The following SAMD3 variants were observed in gnomAD, a reference collection of about 807,000 sequenced individuals.
SAMD3 encodes sterile alpha motif domain-containing protein 3.
SAMD3 carries 63 observed loss-of-function variants against 58.5 expected under a neutral mutation model. The observed-to-expected ratio is 1.08, with a 90% CI of 0.88 to 1.33. SAMD3 has a LOEUF of 1.33. Among genes scored for constraint, SAMD3 ranks in the 40% most tolerant of loss-of-function variants. The probability of loss-of-function intolerance (pLI) is 0.00; values close to 1 mark genes in which losing one functional copy is unlikely to be tolerated. For missense variants in SAMD3, 604 were observed against 608.4 expected, an observed-to-expected ratio of 0.99 and a Z score of 0.08; for synonymous variants, 220 against 210.3, an observed-to-expected ratio of 1.05 and a Z score of -0.40.
At chr6:130,313,666 A>G (rs2037021) in intron 1 of SAMD3, among the ~76,000 whole-genome samples, 64,714 of 151,964 alleles carry the variant, frequency 0.43, 15,393 homozygotes, top group African/African-American at 0.64. Flanking sequence ...AATCTGTTCC[A>G]TAGAGGTAGA....
rs996072026 is a variant in SAMD3 at position 130,215,384 on chromosome 6, G to A, written c.-21-90C>T. 12 of 1,256,254 alleles carry A rather than the reference G, an allele frequency of 9.6e-6. No homozygotes were observed. The East Asian group carries it at 2.7e-4, about 29-fold the overall frequency. The allele number at this position is 1,256,254 out of a possible 1,614,324, so 77.8% of individuals were successfully genotyped here. On this transcript the variant is annotated intron_variant, in intron 2 of 11. Transcript: ENST00000439090. The stretch of plus-strand genomic sequence containing the variant: ...TAACAGTCAGCCGCTTCCTTTGCTA[G>A]ACTCCTTTATCTTCTCAATGTTAAG...
At chr6:130,166,183 G>A (rs1790723360) in intron 8 of SAMD3, among the ~76,000 whole-genome samples, 1 of 152,122 alleles carries the variant, frequency 6.6e-6, no homozygotes, top group African/African-American at 2.4e-5. Context: ...GCTACAAGGG[G>A]GTCCTGGGGG....
chr6:130,343,505 C>A (rs1041541731), intron 1 of SAMD3, among the ~76,000 whole-genome samples: 1 of 152,136 alleles, frequency 6.6e-6, no homozygotes, highest in Admixed American at 6.5e-5. Flanking sequence ...ATATTCCTTT[C>A]GTGGAAGTCA....
intron 4 of SAMD3, among the ~76,000 whole-genome samples, chr6:130,213,015 G>T (rs984397382): frequency 2.6e-5 from 4 of 152,202 alleles, no homozygotes; most frequent in African/African-American, 9.7e-5. Flanking sequence ...GGGCAAAGCA[G>T]CTCTTGCCTG....
At chr6:130,231,425 G>A (rs1047482282) in intron 2 of SAMD3, among the ~76,000 whole-genome samples, 1 of 152,112 alleles carries the variant, frequency 6.6e-6, no homozygotes, top group Non-Finnish European at 1.5e-5. Context: ...TTAGCCAGGG[G>A]TGGCGATGGA....
intron 1 of SAMD3, among the ~76,000 whole-genome samples, chr6:130,360,179 G>A (rs142422582): frequency 9.2e-5 from 14 of 152,296 alleles, no homozygotes; most frequent in African/African-American, 3.4e-4. Context: ...ATAATCCCCA[G>A]TGTCAAAACT....
In SAMD3 at chr6:130,209,513, T is replaced by C. The variant is rs1328868875; in HGVS notation, c.365A>G (p.Gln122Arg). ...AENLDNGLID[Q>R]RVLKQRRNVK... is the part of the protein sequence containing the mutation. ...CCCCCACCTCTGTTTCAATACTCTT[T>C]GGTCAATTAGTCCATTATCAAGGTT... The change falls in exon 5 of 12, where the codon CAA becomes CGA. Residue 122 changes from glutamine (Q) to arginine (R), a missense_variant. Transcript: ENST00000439090. 4 of 1,607,836 alleles carry C rather than the reference T, an allele frequency of 2.5e-6. No individual in the cohort carries two copies. The highest frequency in any genetic ancestry group is 1.3e-5 in the African/African-American group (1 of 74,818).
chr6:130,328,902 T>C (rs1375049974), intron 1 of SAMD3, among the ~76,000 whole-genome samples: 1 of 152,158 alleles, frequency 6.6e-6, no homozygotes, highest in Non-Finnish European at 1.5e-5. Flanking sequence ...GTAAGGTTTA[T>C]GAGTATAAAG....
In SAMD3 at chr6:130,333,573, T is replaced by A. The variant is rs1318514766; in HGVS notation, c.-303-20480A>T. On this transcript the variant is annotated intron_variant, in intron 1 of 13. Coordinates refer to the SAMD3 transcript ENST00000368134. ...ATTAGCAATTCCACTGGAAGCTGAG[T>A]CTAATTTAATATAGAATTTTGAGTA... Among the ~76,000 whole-genome samples the A allele has an allele frequency of 2.0e-5, 3 of 152,290 alleles. No individual in the cohort carries two copies. In the East Asian group the frequency reaches 5.8e-4, roughly 29 times the overall value.
chr6:130,292,415 T>C (rs1454715252), intron 2 of SAMD3, among the ~76,000 whole-genome samples: 2 of 151,784 alleles, frequency 1.3e-5, no homozygotes, highest in Non-Finnish European at 2.9e-5. Flanking sequence ...GCCTCCCAAG[T>C]AGCTGGGATT....
At chr6:130,287,760 A>G (rs1227428005) in intron 2 of SAMD3, among the ~76,000 whole-genome samples, 1 of 152,182 alleles carries the variant, frequency 6.6e-6, no homozygotes, top group African/African-American at 2.4e-5. Flanking sequence ...CCTGGCCAAC[A>G]TAGTGAAACC....
At chr6:130,209,125 A>G (rs1388501691) in intron 5 of SAMD3, among the ~76,000 whole-genome samples, 1 of 152,244 alleles carries the variant, frequency 6.6e-6, no homozygotes, top group Non-Finnish European at 1.5e-5. Context: ...AGCAACAACT[A>G]CAAAATTCAA....
At chr6:130,338,324 G>A (rs908968005) in intron 1 of SAMD3, among the ~76,000 whole-genome samples, 1 of 152,256 alleles carries the variant, frequency 6.6e-6, no homozygotes. Context: ...ATGTCTGGAT[G>A]TACAGGCAGA....
intron 9 of SAMD3, 149 bp from the exon 10 acceptor site, chr6:130,146,330 C>G (rs1004683385): frequency 4.7e-6 from 2 of 424,788 alleles, no homozygotes; most frequent in East Asian, 3.6e-5. Context: ...AGAATTAAAG[C>G]CTTAGGATGA....
chr6:130,206,018 C>A (rs954216793), intron 5 of SAMD3, among the ~76,000 whole-genome samples: 1 of 152,144 alleles, frequency 6.6e-6, no homozygotes, highest in Non-Finnish European at 1.5e-5. Context: ...GATGGTGGGA[C>A]CACCATCTGA....
chr6:130,282,903 A>T (rs1458230928), intron 2 of SAMD3, among the ~76,000 whole-genome samples: 2 of 152,226 alleles, frequency 1.3e-5, no homozygotes, highest in African/African-American at 4.8e-5. Flanking sequence ...GCATGCCCTC[A>T]ACAGATGCTA....
At chr6:130,292,264 T>TTTA (rs1562503225) in intron 2 of SAMD3, among the ~76,000 whole-genome samples, 1 of 126,592 alleles carries the variant, frequency 7.9e-6, no homozygotes, top group African/African-American at 3.2e-5. Flanking sequence ...TTTTTTTTTC[T>TTTA]TTCTTTCTTT....
At chr6:130,293,429 T>C (rs1583061154) in intron 2 of SAMD3, among the ~76,000 whole-genome samples, 2 of 152,162 alleles carry the variant, frequency 1.3e-5, no homozygotes, top group South Asian at 4.2e-4. Flanking sequence ...ACAGGTGTTT[T>C]CTGGCTGCAT....
At chr6:130,296,410 CA>C (rs899487367) in intron 2 of SAMD3, among the ~76,000 whole-genome samples, 7 of 152,074 alleles carry the variant, frequency 4.6e-5, no homozygotes, top group African/African-American at 1.7e-4. Flanking sequence ...AGGAGCCCTA[CA>C]AAAGCCCCCT....
Sources: allele counts gnomAD v4.1 joint callset (sites outside exome capture counted in the v4.1 genomes callset), GRCh38; gene constraint gnomAD v4.1.1; transcripts MANE v1.5; gene names NCBI Gene and HGNC (gene_info 2026-07-23, HGNC 2026-07-21).